Variants in SH3GL2 observed in about 807,000 individuals in gnomAD.
The protein encoded by SH3GL2 is SH3 domain containing GRB2 like 2, endophilin A1, also known as endophilin-A1.
A neutral mutation model predicts 46.0 loss-of-function variants in SH3GL2; 24 were observed. That is an observed-to-expected ratio of 0.52 (90% CI 0.38 to 0.73). The LOEUF is 0.73. Ranked by LOEUF, SH3GL2 falls within the 30% of genes least tolerant of loss-of-function variation. The probability of loss-of-function intolerance (pLI) is 0.00; values close to 1 mark genes in which losing one functional copy is unlikely to be tolerated. For synonymous variants in SH3GL2, 196 were observed against 147.1 expected, an observed-to-expected ratio of 1.33 and a Z score of -2.40; for missense variants, 413 against 424.2, an observed-to-expected ratio of 0.97 and a Z score of 0.23.
chr9:17,634,657 ATTCT>A (rs1298922593), intron 1 of SH3GL2, among the ~76,000 whole-genome samples: 2 of 152,200 alleles, frequency 1.3e-5, no homozygotes, highest in African/African-American at 2.4e-5. Context: ...TAGCTTTGTC[ATTCT>A]TTCTTCTCTT....
chr9:17,712,240 T>C (rs1446056976), intron 1 of SH3GL2, among the ~76,000 whole-genome samples: 1 of 151,852 alleles, frequency 6.6e-6, no homozygotes, highest in Non-Finnish European at 1.5e-5. Context: ...TGCTTGTAAA[T>C]ATTTTCTCCA....
At chr9:17,635,724 C>T (rs549178869) in intron 1 of SH3GL2, among the ~76,000 whole-genome samples, 9 of 152,252 alleles carry the variant, frequency 5.9e-5, no homozygotes, top group African/African-American at 1.9e-4. Flanking sequence ...ATGTTATTTC[C>T]TTGGAATGTC....
intron 3 of SH3GL2, among the ~76,000 whole-genome samples, chr9:17,777,410 T>G (rs961131007): frequency 6.6e-5 from 10 of 152,162 alleles, no homozygotes; most frequent in African/African-American, 2.4e-4. Context: ...TTTGTTAAAA[T>G]AATCAAGTTT....
At position 17,795,675 on chromosome 9, in the gene SH3GL2, A is replaced by G. The variant is rs781457075; in HGVS notation, c.991A>G (p.Met331Val). The change falls in exon 9 of 9, where the codon ATG (methionine) becomes GTG (valine). Residue 331 changes from methionine (M) to valine (V), a missense_variant. Coordinates refer to ENST00000380607, the MANE Select transcript of SH3GL2 (RefSeq NM_003026.5). ...NQIDENWYEG[M>V]LHGHSGFFPI... ...AATTGATGAGAACTGGTATGAGGGG[A>G]TGCTGCATGGCCATTCAGGCTTCTT... 5.0e-6 allele frequency: 8 copies of G among 1,613,972 alleles called. No individual in the cohort carries two copies. Among genetic ancestry groups the G allele is most frequent in the Middle Eastern group, 1.7e-4 (1 of 6,058 alleles).
At chr9:17,746,138 G>A (rs1822675126) in intron 1 of SH3GL2, among the ~76,000 whole-genome samples, 1 of 152,150 alleles carries the variant, frequency 6.6e-6, no homozygotes, top group East Asian at 1.9e-4. Flanking sequence ...GCAGTGGTGG[G>A]ATCTCCGCTC....
At chr9:17,697,698 T>A (rs1821243037) in intron 1 of SH3GL2, among the ~76,000 whole-genome samples, 1 of 152,202 alleles carries the variant, frequency 6.6e-6, no homozygotes, top group Non-Finnish European at 1.5e-5. Flanking sequence ...ACCATATCAT[T>A]GCCCCCCGAA....
At position 17,643,943 on chromosome 9, in the gene SH3GL2, C is replaced by G. The variant is rs534266229; in HGVS notation, c.45+64656C>G. ...TCTTTGTACCTCTGGTAGAATTCAG[C>G]TGTGAATTCGTCTGGTCCTGGGCTT... On this transcript the variant is annotated intron_variant, in intron 1 of 8. Transcript: ENST00000380607. Among the ~76,000 whole-genome samples, 82 of 152,304 alleles carry G rather than the reference C, an allele frequency of 5.4e-4. 2 individuals are homozygous for G. In the South Asian group the frequency reaches 0.016, roughly 30 times the overall value.
At chr9:17,754,116 G>A (rs937179419) in intron 2 of SH3GL2, among the ~76,000 whole-genome samples, 2 of 152,160 alleles carry the variant, frequency 1.3e-5, no homozygotes, top group Non-Finnish European at 2.9e-5. Context: ...ATAGCATGAT[G>A]ACTCCAGCTT....
intron 1 of SH3GL2, among the ~76,000 whole-genome samples, chr9:17,639,186 G>A (rs145891882): frequency 9.2e-5 from 14 of 152,252 alleles, no homozygotes; most frequent in African/African-American, 3.4e-4. Context: ...TGGAAGGCAT[G>A]AACTGCAAAA....
chr9:17,690,371 A>G (rs140401407), intron 1 of SH3GL2, among the ~76,000 whole-genome samples: 2 of 152,152 alleles, frequency 1.3e-5, no homozygotes, highest in Non-Finnish European at 2.9e-5. Flanking sequence ...TTATCTCCCT[A>G]TCCACTATCT....
chr9:17,697,789 A>G (rs920910502), intron 1 of SH3GL2, among the ~76,000 whole-genome samples: 2 of 152,198 alleles, frequency 1.3e-5, no homozygotes, highest in Non-Finnish European at 2.9e-5. Flanking sequence ...AGAAAATGCT[A>G]GGATTGTAAC....
At chr9:17,662,701 GTCTTT>G (rs1447698784) in intron 1 of SH3GL2, among the ~76,000 whole-genome samples, 2 of 126,954 alleles carry the variant, frequency 1.6e-5, no homozygotes, top group Non-Finnish European at 3.2e-5. Context: ...TTTTGGCCAA[GTCTTT>G]TTTTTTTTTT....
chr9:17,620,743 C>T (rs192169905), intron 1 of SH3GL2, among the ~76,000 whole-genome samples: 1 of 152,098 alleles, frequency 6.6e-6, no homozygotes, highest in African/African-American at 2.4e-5. Context: ...AGGGAGAAGT[C>T]AAGGGTAAAG....
chr9:17,651,175 T>C (rs1819949473), intron 1 of SH3GL2, among the ~76,000 whole-genome samples: 1 of 152,168 alleles, frequency 6.6e-6, no homozygotes, highest in Non-Finnish European at 1.5e-5. Flanking sequence ...TGCTTTATTT[T>C]CTTGAAAAAA....
chr9:17,612,066 G>C (rs2134582704), intron 1 of SH3GL2, among the ~76,000 whole-genome samples: 1 of 152,312 alleles, frequency 6.6e-6, no homozygotes, highest in South Asian at 2.1e-4. Context: ...GTGCCTGGGG[G>C]AAGGTTGCCT....
At position 17,686,490 on chromosome 9, in the gene SH3GL2, G is replaced by A. The variant is rs920755102; in HGVS notation, c.46-60576G>A. On this transcript the variant is annotated intron_variant, in intron 1 of 8. Transcript: ENST00000380607. Reference sequence around the variant, plus strand: ...TGCTGCTATAAAGACACATGCACACGTATGTTTATTGCGGCATTATCCACA... The same window carrying A: ...TGCTGCTATAAAGACACATGCACACATATGTTTATTGCGGCATTATCCACA... 4.8e-4 allele frequency among the ~76,000 whole-genome samples: 69 copies of A among 143,896 alleles called. 1 individual carries two copies. The highest frequency in any genetic ancestry group is 1.2e-3 in the African/African-American group (50 of 40,042). The allele number at this position is 143,896 out of a possible 152,430, so 94.4% of individuals were successfully genotyped here. A position where few individuals can be genotyped will look rare whatever the true frequency, so the allele number is the denominator to read the frequency against.
At position 17,702,946 on chromosome 9, in the gene SH3GL2, T is replaced by C. The variant is rs561091046; in HGVS notation, c.46-44120T>C. 1.4e-4 allele frequency among the ~76,000 whole-genome samples: 21 copies of C among 152,250 alleles called. No homozygotes were observed. In the East Asian group the frequency reaches 3.1e-3, roughly 22 times the overall value. On this transcript the variant is annotated intron_variant, in intron 1 of 8. Coordinates refer to ENST00000380607, the MANE Select transcript of SH3GL2 (RefSeq NM_003026.5). The stretch of plus-strand genomic sequence containing the variant: ...TGGTTATGCCACTTGATTATGCTTT[T>C]GTTAATCCTGGATCTTGCTCTGACC...
At chr9:17,606,890 C>T (rs192552514) in intron 1 of SH3GL2, among the ~76,000 whole-genome samples, 18 of 152,300 alleles carry the variant, frequency 1.2e-4, no homozygotes, top group Admixed American at 6.5e-4. Context: ...TAGAAATAGA[C>T]GGTCAGCAGT....
intron 1 of SH3GL2, among the ~76,000 whole-genome samples, chr9:17,608,147 C>CTTTTTTTT (rs58474566): frequency 3.3e-5 from 4 of 120,348 alleles, no homozygotes; most frequent in African/African-American, 6.2e-5. Context: ...AAGCTTTCCT[C>CTTTTTTTT]TTTTTTTTTT....
Sources: allele counts gnomAD v4.1 joint callset (sites outside exome capture counted in the v4.1 genomes callset), GRCh38; gene constraint gnomAD v4.1.1; transcripts MANE v1.5; gene names NCBI Gene and HGNC (gene_info 2026-07-23, HGNC 2026-07-21).